SAFB2: variants seen among roughly 807,000 people sequenced by gnomAD.
The protein encoded by SAFB2 is scaffold attachment factor B2.
Under a neutral mutation model 100.6 loss-of-function variants are expected in SAFB2, and 32 were observed. The ratio of observed to expected loss-of-function variants is 0.32; its 90% CI spans 0.24 to 0.43. The LOEUF (loss-of-function observed/expected upper bound fraction) is 0.43. Ranked by LOEUF, SAFB2 falls within the 20% of genes least tolerant of loss-of-function variation. The probability of loss-of-function intolerance (pLI) is 1.00; values close to 1 mark genes in which losing one functional copy is unlikely to be tolerated. For missense variants in SAFB2, 1,185 were observed against 1,163.4 expected (o/e 1.02, Z -0.27); for synonymous variants, 500 against 439.4 (o/e 1.14, Z -1.72).
chr19:5,612,615 G>A (rs780694817), intron 5 of SAFB2, 48 bp from the exon 6 acceptor site: 15 of 1,470,808 alleles, frequency 1.0e-5, no homozygotes, highest in Non-Finnish European at 1.4e-5. Context: ...TAAACACGGG[G>A]CACATACATT....
At chr19:5,597,462 A>C (rs573187204) in intron 13 of SAFB2, among the ~76,000 whole-genome samples, 1 of 152,282 alleles carries the variant, frequency 6.6e-6, no homozygotes, top group South Asian at 2.1e-4. Context: ...AAAAAAGCAA[A>C]AAGGAAAAAA....
In SAFB2 at chr19:5,587,958, G is replaced by A; in HGVS notation, c.2548C>T (p.His850Tyr). Residue 850 changes from histidine to tyrosine, a missense_variant, in exon 19 of 21, where the codon CAC (histidine) becomes TAC (tyrosine). Physicochemically the swap from His to Tyr is moderately conservative, Grantham distance 83. Coordinates refer to ENST00000252542, the MANE Select transcript of SAFB2 (RefSeq NM_014649.3). The surrounding 1 kb of genome is among the most constrained non-coding windows in gnomAD (Gnocchi z 4.9). ...PPRGGRDWGE[H>Y]NQRLEEHQAR... ...TGGTGCTCCTCTAGCCGCTGGTTGT[G>A]CTCTCCCCAGTCACGGCCACCCCTT... 6.2e-7 allele frequency: 1 copy of A among 1,612,800 alleles called. No individual in the cohort carries two copies. The highest frequency in any genetic ancestry group is 8.5e-7 in the Non-Finnish European group (1 of 1,179,842).
rs1306386921 is a variant in SAFB2 at position 5,616,450 on chromosome 19, C to T, written c.311G>A (p.Gly104Asp). 8 of 1,613,986 alleles carry T rather than the reference C, an allele frequency of 5.0e-6. No homozygotes were observed. Among genetic ancestry groups the T allele is most frequent in the Non-Finnish European group, 6.8e-6 (8 of 1,179,986 alleles). The change falls in exon 3 of 21, where the codon GGC becomes GAC. Residue 104 changes from glycine to aspartate, a missense_variant. Physicochemically the swap from Gly to Asp is moderately conservative, Grantham distance 94 (BLOSUM62 -1). This residue lies in a region of SAFB2 where 351 missense variants were observed against 341.2 expected (regional missense o/e 1.03). Coordinates refer to ENST00000252542, the MANE Select transcript of SAFB2 (RefSeq NM_014649.3). ...KMEEEGTEDN[G>D]LEDDSRDGQE... The stretch of plus-strand genomic sequence containing the variant: ...CCCGTCTCTGGAATCGTCTTCCAGG[C>T]CATTATCTTCTGTGCCTTCCTCCTC...
rs144577562 is a variant in SAFB2 at position 5,609,712 on chromosome 19, A to G, written c.1296+283T>C. Among the ~76,000 whole-genome samples the G allele has an allele frequency of 2.0e-5, 3 of 152,352 alleles. No homozygotes were observed. The East Asian group carries it at 5.8e-4, about 29-fold the overall frequency. On this transcript the variant is annotated intron_variant, in intron 9 of 20. Coordinates refer to ENST00000252542, the MANE Select transcript of SAFB2 (RefSeq NM_014649.3). ...TACAGCTGTTCTGAGCACTGTTGTGATATGACCAACCACCTGCCCTGCTCC... is the reference window on the plus strand; with the variant it reads ...TACAGCTGTTCTGAGCACTGTTGTGGTATGACCAACCACCTGCCCTGCTCC...
intron 11 of SAFB2, 56 bp from the exon 12 acceptor site, chr19:5,600,316 G>A: frequency 6.3e-7 from 1 of 1,594,422 alleles, no homozygotes; most frequent in Non-Finnish European, 8.5e-7. Flanking sequence ...AACAGGAACG[G>A]CTCACCCAGA....
chr19:5,590,105 C>T (rs2052358345), intron 18 of SAFB2, among the ~76,000 whole-genome samples, 173 bp downstream of exon 18: 1 of 151,360 alleles, frequency 6.6e-6, no homozygotes, highest in Admixed American at 6.5e-5. Context: ...TCTATGCTTT[C>T]TTCTTGAGAA....
Position 5,587,258 on chromosome 19 carries a change from GAA to G in SAFB2, c.2845_2846del (p.Phe949HisfsTer20). On this transcript the variant is annotated frameshift_variant, in exon 21 of 21. Coordinates refer to ENST00000252542, the MANE Select transcript of SAFB2 (RefSeq NM_014649.3). LOFTEE classifies it high-confidence loss of function. The surrounding 1 kb of genome is among the most constrained non-coding windows in gnomAD (Gnocchi z 4.9). ...CGAGTGGGACTTAGTAGCGGCGGGT[GAA>G]GTGGGGGTACGGGGGGGGATGAGGG... ...PHPHPPPYPH[F>X]TRRY The G allele has an allele frequency of 1.2e-6, 2 of 1,612,652 alleles. No homozygotes were observed. Among genetic ancestry groups the G allele is most frequent in the Non-Finnish European group, 8.5e-7 (1 of 1,179,676 alleles).
At position 5,616,356 on chromosome 19, in the gene SAFB2, C is replaced by T. The variant is rs1238417378; in HGVS notation, c.340-21G>A. The T allele has an allele frequency of 1.5e-5, 24 of 1,613,950 alleles. No homozygotes were observed. The East Asian group carries it at 4.0e-4, about 27-fold the overall frequency. On this transcript the variant is annotated intron_variant, in intron 3 of 20. Coordinates refer to ENST00000252542, the MANE Select transcript of SAFB2 (RefSeq NM_014649.3). ...TCCTCCTGTAAAGAGGAAGAAGAAT[C>T]GTTAACGACCACCTGGACCAGGACA...
At chr19:5,617,138 C>CA (rs1019081839) in intron 2 of SAFB2, among the ~76,000 whole-genome samples, 1 of 151,752 alleles carries the variant, frequency 6.6e-6, no homozygotes, top group Non-Finnish European at 1.5e-5. Context: ...AACAAACCAA[C>CA]AAAAAAATGC....
rs2053029846 is a variant in SAFB2 at position 5,616,338 on chromosome 19, G to A, written c.340-3C>T. ...TCCAGACTTGCTTCCATGTCCTCCT[G>A]TAAAGAGGAAGAAGAATCGTTAACG... On this transcript the variant is annotated splice_polypyrimidine_tract_variant and splice_region_variant and intron_variant, in intron 3 of 20. Transcript: ENST00000252542. 6.8e-6 allele frequency: 11 copies of A among 1,613,888 alleles called. No individual in the cohort carries two copies. The South Asian group carries it at 9.9e-5, about 14-fold the overall frequency.
rs1285314482 is a variant in SAFB2, at chr19:5,604,626, A to T, written c.1516T>A (p.Ser506Thr). The change falls in exon 11 of 21, where the codon TCG (serine) becomes ACG (threonine). Residue 506 changes from serine to threonine, a missense_variant. By Grantham distance (58) the Ser-to-Thr change is moderately conservative (BLOSUM62 1). This residue lies in a region of SAFB2 where 740 missense variants were observed against 687.1 expected (regional missense o/e 1.08). Coordinates refer to ENST00000252542, the MANE Select transcript of SAFB2 (RefSeq NM_014649.3). ...ACAGAATGATGTCTGTCGACACTCG[A>T]TAATTTTTCCTTCTTCACTTCGCAC... ...KECEVKKEKLSSVDRHHSVEI... is the reference protein window; with the variant it reads ...KECEVKKEKLTSVDRHHSVEI... The T allele has an allele frequency of 1.9e-6, 3 of 1,614,048 alleles. No homozygotes were observed. The highest frequency in any genetic ancestry group is 2.5e-6 in the Non-Finnish European group (3 of 1,180,020).
Position 5,612,535 on chromosome 19 carries a change from A to G in SAFB2, c.634+5T>C. 1 of 1,612,954 alleles carries G rather than the reference A, an allele frequency of 6.2e-7. No individual in the cohort carries two copies. The highest frequency in any genetic ancestry group is 1.3e-5 in the African/African-American group (1 of 75,052). On this transcript the variant is annotated splice_donor_5th_base_variant and intron_variant, in intron 6 of 20. Coordinates refer to ENST00000252542, the MANE Select transcript of SAFB2 (RefSeq NM_014649.3). ...CCATAACTGTCGTGTTTCTCTTATC[A>G]GTACCTGGCTCCAAAAGGGATTCTT... is the stretch of plus-strand genomic sequence containing the variant.
At chr19:5,593,853 C>A (rs1368326477) in intron 15 of SAFB2, 38 bp downstream of exon 15, 1 of 1,421,086 alleles carries the variant, frequency 7.0e-7, no homozygotes, top group Non-Finnish European at 9.1e-7. Flanking sequence ...CGCTGCCACG[C>A]TGGTCTCCGT....
chr19:5,593,033 GATC>G (rs2052448454), intron 15 of SAFB2, 146 bp from the exon 16 acceptor site: 1 of 726,324 alleles, frequency 1.4e-6, no homozygotes, highest in Non-Finnish European at 2.3e-6. Context: ...CTAAACATTC[GATC>G]ATCATTGCTT....
At chr19:5,593,835 G>A (rs986905585) in intron 15 of SAFB2, 56 bp downstream of exon 15, 16 of 1,392,562 alleles carry the variant, frequency 1.1e-5, no homozygotes, top group African/African-American at 1.5e-5. Context: ...TGCTGGAAGG[G>A]TGAACACCGC....
rs1205382692 is a variant in SAFB2 at position 5,604,703 on chromosome 19, A to G, written c.1447-8T>C. 6.2e-7 allele frequency: 1 copy of G among 1,614,162 alleles called. No individual in the cohort carries two copies. Among genetic ancestry groups the G allele is most frequent in the Admixed American group, 1.7e-5 (1 of 60,028 alleles). On this transcript the variant is annotated splice_polypyrimidine_tract_variant and splice_region_variant and intron_variant, in intron 10 of 20. Coordinates refer to ENST00000252542, the MANE Select transcript of SAFB2 (RefSeq NM_014649.3). ...AGCAGGCTCATTTTTGGCCTAAAAT[A>G]TAATAGACAGAAATGATGTGTGGCC...
In SAFB2 at chr19:5,600,200, A is replaced by G; in HGVS notation, c.1620T>C (p.Ile540=). 1 of 1,613,740 alleles carries G rather than the reference A, an allele frequency of 6.2e-7. No individual in the cohort carries two copies. ...EKKEEKKPED[I]KKEEKDQDEL... Reference sequence around the variant, plus strand: ...CATCCTGGTCTTTTTCTTCCTTCTTAATGTCTTCAGGCTTTTTTTCCTCCT... The same window carrying G: ...CATCCTGGTCTTTTTCTTCCTTCTTGATGTCTTCAGGCTTTTTTTCCTCCT... Residue 540 remains isoleucine (I), a synonymous_variant, in exon 12 of 21, where the codon ATT becomes ATC. Transcript: ENST00000252542.
At chr19:5,603,452 A>G (rs2052706278) in intron 11 of SAFB2, among the ~76,000 whole-genome samples, 1 of 152,224 alleles carries the variant, frequency 6.6e-6, no homozygotes, top group Non-Finnish European at 1.5e-5. Flanking sequence ...CCATGATCAG[A>G]TACAACACGG....
chr19:5,609,075 G>C (rs775605831), intron 9 of SAFB2, among the ~76,000 whole-genome samples: 1,062 of 106,002 alleles, frequency 0.01, 5 homozygotes, highest in Non-Finnish European at 0.012. Context: ...AAAAAAAAAA[G>C]AACAACAAAC....
Sources: allele counts gnomAD v4.1 joint callset (sites outside exome capture counted in the v4.1 genomes callset), GRCh38; gene constraint gnomAD v4.1.1; regional missense constraint gnomAD v4.1.1; non-coding constraint Gnocchi (gnomAD v3.1); transcripts MANE v1.5; gene names NCBI Gene and HGNC (gene_info 2026-07-23, HGNC 2026-07-21).